Variants in APP observed in about 807,000 individuals in gnomAD.
APP encodes amyloid beta precursor protein.
A neutral mutation model predicts 101.4 loss-of-function variants in APP; 31 were observed. That is an observed-to-expected ratio of 0.31 (90% CI 0.23 to 0.41). APP has a LOEUF of 0.41. Among genes scored for constraint, APP ranks in the 10% least tolerant of loss-of-function variants. The probability of loss-of-function intolerance (pLI) is 1.00; values close to 1 mark genes in which losing one functional copy is unlikely to be tolerated. For synonymous variants in APP, 366 were observed against 364.4 expected, an observed-to-expected ratio of 1.00 and a Z score of -0.05; for missense variants, 839 against 1,003.7, an observed-to-expected ratio of 0.84 and a Z score of 2.22.
intron 13 of APP, among the ~76,000 whole-genome samples, chr21:25,927,207 T>A (rs1196521184): frequency 6.6e-6 from 1 of 152,142 alleles, no homozygotes; most frequent in Non-Finnish European, 1.5e-5. Context: ...AAAAGCTCCC[T>A]CTTCTAGCTA....
At chr21:25,997,542 C>G in intron 7 of APP, 126 bp from the exon 8 acceptor site, 2 of 827,216 alleles carry the variant, frequency 2.4e-6, no homozygotes, top group Non-Finnish European at 4.1e-6. Context: ...AGGTTTGGTC[C>G]CTCCAACAAA....
chr21:26,052,408 C>T (rs540569355), intron 4 of APP, among the ~76,000 whole-genome samples: 1 of 152,308 alleles, frequency 6.6e-6, no homozygotes, highest in South Asian at 2.1e-4. Context: ...AAGTGAAGCA[C>T]TATGAGCTAG....
chr21:25,952,378 G>GTTT (rs10671026), intron 13 of APP, among the ~76,000 whole-genome samples: 5 of 148,848 alleles, frequency 3.4e-5, no homozygotes, highest in Admixed American at 6.7e-5. Flanking sequence ...CCTAATGGCT[G>GTTT]TTTTTTTTTT....
At chr21:26,098,472 A>G (rs1410919115) in intron 2 of APP, among the ~76,000 whole-genome samples, 2 of 152,196 alleles carry the variant, frequency 1.3e-5, no homozygotes, top group African/African-American at 2.4e-5. Context: ...TTGTAAAGCC[A>G]TATGTTGTCA....
intron 8 of APP, among the ~76,000 whole-genome samples, chr21:25,986,654 C>G (rs746768481): frequency 5.9e-5 from 9 of 152,204 alleles, no homozygotes; most frequent in Non-Finnish European, 1.3e-4. Context: ...GAGCCGAGAT[C>G]ATGCCAGTGC....
intron 1 of APP, among the ~76,000 whole-genome samples, chr21:26,133,884 G>C (rs969868812): frequency 1.3e-5 from 2 of 152,178 alleles, no homozygotes; most frequent in Non-Finnish European, 2.9e-5. Context: ...GATTTGATAT[G>C]GTTGACCAGA....
intron 6 of APP, among the ~76,000 whole-genome samples, chr21:26,017,533 C>G (rs1313382633): frequency 6.6e-6 from 1 of 152,098 alleles, no homozygotes; most frequent in Non-Finnish European, 1.5e-5. Context: ...GCTGTCTGCT[C>G]TGCCCCAACG....
At chr21:26,054,083 T>A (rs1333632640) in intron 3 of APP, among the ~76,000 whole-genome samples, 1 of 152,204 alleles carries the variant, frequency 6.6e-6, no homozygotes, top group East Asian at 1.9e-4. Flanking sequence ...TACTGCAATA[T>A]TCCCAGCTTT....
chr21:26,059,254 G>C lies in APP; in HGVS notation c.356-5906C>G, dbSNP rs139056030. On this transcript the variant is annotated intron_variant, in intron 3 of 17. Coordinates refer to ENST00000346798, the MANE Select transcript of APP (RefSeq NM_000484.4). ...TTAAAAGACAATATTTCTATGAACT[G>C]CTGGGGACTAAAATGATGTTGGCCA... Among the ~76,000 whole-genome samples the C allele has an allele frequency of 3.3e-5, 5 of 152,296 alleles. No individual in the cohort carries two copies. In the East Asian group the frequency reaches 7.7e-4, roughly 24 times the overall value.
rs201537751 is a variant in APP, at chr21:26,089,947, G to A, written c.351C>T (p.Cys117=). The change falls in exon 3 of 18, where the codon TGC becomes TGT. Residue 117 remains cysteine (C), a synonymous_variant. Transcript: ENST00000346798. Reference sequence around the variant, plus strand: ...CCCCACGGCCGGCCGGCTCACCTAAGCAGCGGTAGGGAATCACAAAGTGGG... The same window carrying A: ...CCCCACGGCCGGCCGGCTCACCTAAACAGCGGTAGGGAATCACAAAGTGGG... ...THPHFVIPYR[C]LVGEFVSDAL... 33 of 1,613,978 alleles carry A rather than the reference G, an allele frequency of 2.0e-5. No homozygotes were observed. The highest frequency in any genetic ancestry group is 2.7e-5 in the African/African-American group (2 of 74,916).
chr21:26,129,282 C>T (rs1219836503), intron 1 of APP, among the ~76,000 whole-genome samples: 1 of 151,928 alleles, frequency 6.6e-6, no homozygotes, highest in Non-Finnish European at 1.5e-5. Flanking sequence ...ACCAGCCTGG[C>T]CAAGATGGTG....
chr21:26,134,855 C>T (rs888181803), intron 1 of APP, among the ~76,000 whole-genome samples: 1 of 152,190 alleles, frequency 6.6e-6, no homozygotes, highest in Non-Finnish European at 1.5e-5. Context: ...ACATATACAT[C>T]AGGAAGACCA....
intron 13 of APP, among the ~76,000 whole-genome samples, chr21:25,946,318 G>C (rs188452772): frequency 6.6e-6 from 1 of 152,286 alleles, no homozygotes; most frequent in East Asian, 1.9e-4. Context: ...TCCAAATAAT[G>C]TATTTGATAA....
chr21:26,140,830 G>A (rs1403489316), intron 1 of APP, among the ~76,000 whole-genome samples: 1 of 152,198 alleles, frequency 6.6e-6, no homozygotes, highest in East Asian at 1.9e-4. Flanking sequence ...AGAATGGCAA[G>A]AAGTACTGCC....
intron 8 of APP, among the ~76,000 whole-genome samples, chr21:25,991,522 C>A (rs554516955): frequency 6.6e-6 from 1 of 152,020 alleles, no homozygotes; most frequent in Non-Finnish European, 1.5e-5. Context: ...GGATTACAGG[C>A]GCCCATCACC....
In APP at chr21:26,170,734, C is replaced by T. The variant is rs2063729964; in HGVS notation, c.-114G>A. 1 of 1,128,300 alleles carries T rather than the reference C, an allele frequency of 8.9e-7. No homozygotes were observed. The highest frequency in any genetic ancestry group is 1.6e-5 in the African/African-American group (1 of 60,638). The allele number at this position is 1,128,300 out of a possible 1,614,324, so 69.9% of individuals were successfully genotyped here. A position where few individuals can be genotyped will look rare whatever the true frequency, so the allele number is the denominator to read the frequency against. ...TCCCGGGGCCCCCGCGCACGCTCCT[C>T]CGCGTGCTCTCGCCTACCGCTGCCG... On this transcript the variant is annotated 5_prime_UTR_variant, in exon 1 of 18. Coordinates refer to ENST00000346798, the MANE Select transcript of APP (RefSeq NM_000484.4).
At chr21:25,939,361 G>T (rs1352488669) in intron 13 of APP, among the ~76,000 whole-genome samples, 1 of 152,210 alleles carries the variant, frequency 6.6e-6, no homozygotes, top group Non-Finnish European at 1.5e-5. Context: ...TCAAAAGACA[G>T]GCTAATTAGG....
At chr21:26,052,081 G>C (rs911850321) in intron 4 of APP, among the ~76,000 whole-genome samples, 2 of 152,112 alleles carry the variant, frequency 1.3e-5, no homozygotes, top group African/African-American at 2.4e-5. Flanking sequence ...TTCTACAGTG[G>C]ATCCAAATAT....
intron 13 of APP, among the ~76,000 whole-genome samples, chr21:25,952,187 TACATACACACACAC>T (rs1447419363): frequency 9.0e-6 from 1 of 111,094 alleles, no homozygotes; most frequent in African/African-American, 2.9e-5. Flanking sequence ...GCATATTACA[TACATACACACACAC>T]ACACACACAC....
Sources: gnomAD v4.1 joint callset for allele counts (sites outside exome capture counted in the v4.1 genomes callset) on GRCh38, gnomAD v4.1.1 for gene constraint, MANE v1.5 for transcripts, NCBI Gene and HGNC (gene_info 2026-07-23, HGNC 2026-07-21) for gene names.